TCF7L2: variants seen among roughly 807,000 people sequenced by gnomAD.
The protein encoded by TCF7L2 is transcription factor 7 like 2, also known as transcription factor 7-like 2.
A neutral mutation model predicts 77.9 loss-of-function variants in TCF7L2; 23 were observed. The ratio of observed to expected loss-of-function variants is 0.30; its 90% CI spans 0.21 to 0.42. TCF7L2 has a LOEUF of 0.42. TCF7L2 is among the 10% of genes least tolerant of loss of function. The pLI is 1.00. For missense variants in TCF7L2, 654 were observed against 793.1 expected (o/e 0.82, Z 2.11); for synonymous variants, 413 against 340.2 (o/e 1.21, Z -2.36).
rs765140604 is a variant in TCF7L2 at position 112,967,607 on chromosome 10, A to G, written c.450+2983A>G. ...GCCACGTTCTCCCAAAATGGATAACACAAATGAAACTAGAAAGAAAATTAA... is the reference window on the plus strand; with the variant it reads ...GCCACGTTCTCCCAAAATGGATAACGCAAATGAAACTAGAAAGAAAATTAA... On this transcript the variant is annotated intron_variant, in intron 4 of 13. Transcript: ENST00000627217. 5.9e-5 allele frequency among the ~76,000 whole-genome samples: 9 copies of G among 152,194 alleles called. No individual in the cohort carries two copies. The South Asian group carries it at 6.2e-4, about 11-fold the overall frequency.
chr10:113,027,630 C>T (rs1030870091), intron 4 of TCF7L2, among the ~76,000 whole-genome samples: 1 of 152,170 alleles, frequency 6.6e-6, no homozygotes, highest in African/African-American at 2.4e-5. Context: ...TATTTCCTTC[C>T]CCAAATGAGG....
chr10:113,012,372 C>T (rs762706849), intron 4 of TCF7L2, among the ~76,000 whole-genome samples: 5 of 152,030 alleles, frequency 3.3e-5, no homozygotes, highest in Admixed American at 1.3e-4. Flanking sequence ...GAGAAACCAT[C>T]GGGATAGTGT....
intron 5 of TCF7L2, among the ~76,000 whole-genome samples, chr10:113,116,273 G>C (rs1228098454): frequency 1.3e-5 from 2 of 152,050 alleles, no homozygotes; most frequent in African/African-American, 4.8e-5. Context: ...GAAAATCATA[G>C]ATTTGATACT....
chr10:113,131,799 G>A lies in TCF7L2; in HGVS notation c.553-9385G>A, dbSNP rs115738089. ...CTGTGTAATAGAATTCTTTCCTTCTGCAATATTTTGGAATGTGATGAAATC... is the reference window on the plus strand; with the variant it reads ...CTGTGTAATAGAATTCTTTCCTTCTACAATATTTTGGAATGTGATGAAATC... On this transcript the variant is annotated intron_variant, in intron 5 of 13. Coordinates refer to ENST00000627217, the MANE Select transcript of TCF7L2 (RefSeq NM_001146274.2). Among the ~76,000 whole-genome samples the A allele has an allele frequency of 8.2e-3, 1,247 of 152,270 alleles. 19 individuals carry two copies. Among genetic ancestry groups the A allele is most frequent in the African/African-American group, 0.028 (1,145 of 41,538 alleles).
At chr10:113,019,547 C>A (rs1294763280) in intron 4 of TCF7L2, among the ~76,000 whole-genome samples, 1 of 152,168 alleles carries the variant, frequency 6.6e-6, no homozygotes, top group African/African-American at 2.4e-5. Context: ...TCACCCCTTT[C>A]ATCTCTTGGG....
chr10:113,124,524 C>A (rs2065273469), intron 5 of TCF7L2, among the ~76,000 whole-genome samples: 2 of 151,992 alleles, frequency 1.3e-5, no homozygotes. Context: ...GCCAATGAAG[C>A]CTGCTATTCC....
chr10:113,133,401 C>G (rs919589173), intron 5 of TCF7L2: 3 of 152,264 alleles, frequency 2.0e-5, no homozygotes, highest in Admixed American at 1.3e-4. Flanking sequence ...CCTCTCACCC[C>G]CCAGCCCTTC....
chr10:112,996,816 G>A (rs2043572688), intron 4 of TCF7L2, among the ~76,000 whole-genome samples: 1 of 152,216 alleles, frequency 6.6e-6, no homozygotes, highest in African/African-American at 2.4e-5. Context: ...AGAGTCTAGG[G>A]TTCTAGAGGT....
At chr10:113,156,642 A>G (rs1205331074) in intron 11 of TCF7L2, among the ~76,000 whole-genome samples, 3 of 152,226 alleles carry the variant, frequency 2.0e-5, no homozygotes, top group African/African-American at 7.2e-5. Context: ...AATTCCCCCC[A>G]GTCCCATTCC....
intron 5 of TCF7L2, among the ~76,000 whole-genome samples, chr10:113,069,582 G>C (rs1024557829): frequency 1.3e-5 from 2 of 152,128 alleles, no homozygotes; most frequent in Non-Finnish European, 2.9e-5. Flanking sequence ...CGTCCAGGAG[G>C]ATGTGCTGGG....
chr10:113,160,215 G>A (rs1316297937), intron 12 of TCF7L2, among the ~76,000 whole-genome samples: 1 of 151,840 alleles, frequency 6.6e-6, no homozygotes, highest in Admixed American at 6.6e-5. Context: ...GCCTCCTCGG[G>A]TCAGCGACAG....
intron 4 of TCF7L2, among the ~76,000 whole-genome samples, chr10:113,035,295 G>A (rs771438460): frequency 5.9e-5 from 9 of 152,186 alleles, no homozygotes; most frequent in Admixed American, 1.3e-4. Context: ...TTGGATTGAA[G>A]GCCCAGCAAG....
intron 11 of TCF7L2, among the ~76,000 whole-genome samples, chr10:113,155,195 C>G (rs1002665594): frequency 2.0e-5 from 3 of 152,104 alleles, no homozygotes; most frequent in African/African-American, 7.2e-5. Context: ...TTTGGATTGT[C>G]AGACTTGGTA....
chr10:113,165,502 T>C (rs2137640489), intron 13 of TCF7L2, 53 bp from the exon 15 acceptor site: 1 of 1,584,880 alleles, frequency 6.3e-7, no homozygotes, highest in South Asian at 1.1e-5. Flanking sequence ...GGTAACTCTC[T>C]CCCTTGGCAT....
chr10:113,050,027 A>G (rs1422574339), intron 5 of TCF7L2, among the ~76,000 whole-genome samples: 1 of 152,164 alleles, frequency 6.6e-6, no homozygotes, highest in Non-Finnish European at 1.5e-5. Flanking sequence ...CCTGCATGCC[A>G]TCTGTCCAGT....
intron 8 of TCF7L2, among the ~76,000 whole-genome samples, chr10:113,147,223 T>C (rs1382461101): frequency 6.6e-6 from 1 of 152,216 alleles, no homozygotes; most frequent in East Asian, 1.9e-4. Context: ...GAAATTAGCA[T>C]GCGTTACATG....
At chr10:112,953,093 G>T (rs1314989452) in intron 3 of TCF7L2, among the ~76,000 whole-genome samples, 2 of 152,112 alleles carry the variant, frequency 1.3e-5, no homozygotes, top group Non-Finnish European at 2.9e-5. Flanking sequence ...GCTAATGGCC[G>T]AGGGCTTGCC....
intron 12 of TCF7L2, among the ~76,000 whole-genome samples, chr10:113,159,073 G>A (rs1253394682): frequency 2.0e-5 from 3 of 151,044 alleles, no homozygotes; most frequent in Admixed American, 2.0e-4. Flanking sequence ...TAATCTAATG[G>A]CATTTTTTTC....
At chr10:113,146,634 TAA>T (rs908214193) in intron 8 of TCF7L2, among the ~76,000 whole-genome samples, 300 of 149,342 alleles carry the variant, frequency 2.0e-3, no homozygotes, top group African/African-American at 7.2e-3. Flanking sequence ...TTTTTTTTTT[TAA>T]AAAAAAGATA....
Sources: gnomAD v4.1 joint callset for allele counts (sites outside exome capture counted in the v4.1 genomes callset) on GRCh38, gnomAD v4.1.1 for gene constraint, MANE v1.5 for transcripts, NCBI Gene and HGNC (gene_info 2026-07-23, HGNC 2026-07-21) for gene names.